The following ASAP3 variants were observed in gnomAD, a reference collection of about 807,000 sequenced individuals.
ASAP3 encodes arf-GAP with SH3 domain, ANK repeat and PH domain-containing protein 3.
Under a neutral mutation model 118.2 loss-of-function variants are expected in ASAP3, and 85 were observed. The observed-to-expected ratio is 0.72, with a 90% CI of 0.60 to 0.86. ASAP3 has a LOEUF of 0.86. Among genes scored for constraint, ASAP3 ranks in the 40% least tolerant of loss-of-function variants. ASAP3 has a pLI of 0.00. For synonymous variants in ASAP3, 432 were observed against 477.4 expected, an observed-to-expected ratio of 0.90 and a Z score of 1.24; for missense variants, 1,026 against 1,175.0, an observed-to-expected ratio of 0.87 and a Z score of 1.85.
Position 23,438,647 on chromosome 1 carries a change from C to A in ASAP3, c.1102+100G>T. On this transcript the variant is annotated intron_variant, in intron 12 of 24. Transcript: ENST00000336689. This position sits in a 1 kb window ranked among gnomAD's most constrained non-coding sequence, Gnocchi z 4.9. The stretch of plus-strand genomic sequence containing the variant: ...CAGCAATTCGACACCATGTGTGGAA[C>A]TGGACACAGACCCCTCACTGAAGCC... 9.9e-7 allele frequency: 1 copy of A among 1,014,572 alleles called. No individual in the cohort carries two copies. The highest frequency in any genetic ancestry group is 1.5e-6 in the Non-Finnish European group (1 of 661,526). The allele number at this position is 1,014,572 out of a possible 1,614,324, so 62.8% of individuals were successfully genotyped here.
intron 19 of ASAP3, among the ~76,000 whole-genome samples, chr1:23,433,992 T>C (rs1436579696): frequency 6.6e-6 from 1 of 152,272 alleles, no homozygotes; most frequent in African/African-American, 2.4e-5. Flanking sequence ...TTACAATCAT[T>C]ATCATTCAGA....
At position 23,436,683 on chromosome 1, in the gene ASAP3, C is replaced by T. The variant is rs369277596; in HGVS notation, c.1477-29G>A. 8.0e-5 allele frequency: 129 copies of T among 1,612,892 alleles called. No individual in the cohort carries two copies. The highest frequency in any genetic ancestry group is 2.3e-4 in the Admixed American group (14 of 59,996). ...GAGTCGTAGGAAAATAGACGTGGGG[C>T]GGAGTAAGACCGGGCGGTTAAGCCT... On this transcript the variant is annotated intron_variant, in intron 15 of 24. Coordinates refer to ENST00000336689, the MANE Select transcript of ASAP3 (RefSeq NM_017707.4). The surrounding 1 kb of genome is among the most constrained non-coding windows in gnomAD (Gnocchi z 4.2).
At chr1:23,466,099 A>G (rs564865966) in intron 1 of ASAP3, among the ~76,000 whole-genome samples, 14 of 152,220 alleles carry the variant, frequency 9.2e-5, no homozygotes, top group Admixed American at 6.5e-4. Flanking sequence ...AAGAAAACGG[A>G]TTTGTTCAGG....
At chr1:23,433,817 A>G in intron 19 of ASAP3, 124 bp from the exon 20 acceptor site, 1 of 1,281,880 alleles carries the variant, frequency 7.8e-7, no homozygotes, top group Non-Finnish European at 1.1e-6. Flanking sequence ...TTTTCTGGCT[A>G]TGTGACCATA....
At chr1:23,460,921 G>C (rs999285455) in intron 1 of ASAP3, among the ~76,000 whole-genome samples, 1 of 152,172 alleles carries the variant, frequency 6.6e-6, no homozygotes, top group Non-Finnish European at 1.5e-5. Context: ...AAGATGCAGA[G>C]GAAAGTTACA....
chr1:23,476,764 G>T (rs1485981270), intron 1 of ASAP3, among the ~76,000 whole-genome samples: 1 of 152,122 alleles, frequency 6.6e-6, no homozygotes, highest in African/African-American at 2.4e-5. Context: ...CCCCTTTCAG[G>T]GTCACATATA....
At chr1:23,463,295 A>G (rs1246818230) in intron 1 of ASAP3, among the ~76,000 whole-genome samples, 1 of 152,150 alleles carries the variant, frequency 6.6e-6, no homozygotes, top group Non-Finnish European at 1.5e-5. Context: ...TCTGAAAATC[A>G]TTTACACTGG....
intron 1 of ASAP3, among the ~76,000 whole-genome samples, chr1:23,460,506 CAAAAAAAAAAA>C (rs71023213): frequency 1.2e-5 from 1 of 84,798 alleles, no homozygotes; most frequent in Non-Finnish European, 2.2e-5. Flanking sequence ...GACTCCATCT[CAAAAAAAAAAA>C]AAAAAAAAAC....
Position 23,431,732 on chromosome 1 carries a change from G to C in ASAP3, c.2510C>G (p.Thr837Ser). 1 of 1,521,950 alleles carries C rather than the reference G, an allele frequency of 6.6e-7. No homozygotes were observed. The highest frequency in any genetic ancestry group is 8.8e-7 in the Non-Finnish European group (1 of 1,140,258). The allele number at this position is 1,521,950 out of a possible 1,614,324, so 94.3% of individuals were successfully genotyped here. A position where few individuals can be genotyped will look rare whatever the true frequency, so the allele number is the denominator to read the frequency against. Reference sequence around the variant, plus strand: ...GGGGAGGTACATCTCCGAAGGGGTGGTCCCGGATGTCAGGCTGGGTCTGGA... The same window carrying C: ...GGGGAGGTACATCTCCGAAGGGGTGCTCCCGGATGTCAGGCTGGGTCTGGA... ...GTSRPSLTSG[T>S]TPSEMYLPVR... The change falls in exon 23 of 25, where the codon ACC (threonine) becomes AGC (serine). Residue 837 changes from threonine to serine, a missense_variant. Transcript: ENST00000336689.
At chr1:23,483,749 TTGGGG>T (rs1642389062) in intron 1 of ASAP3, among the ~76,000 whole-genome samples, 1 of 152,328 alleles carries the variant, frequency 6.6e-6, no homozygotes, top group East Asian at 1.9e-4. Context: ...CGCGGGGCAC[TTGGGG>T]TACGTCCCCC....
chr1:23,482,846 G>A (rs952313645), intron 1 of ASAP3, among the ~76,000 whole-genome samples: 2 of 152,036 alleles, frequency 1.3e-5, no homozygotes, highest in African/African-American at 2.4e-5. Flanking sequence ...CAGCTACTCG[G>A]GAGGCTGAGG....
chr1:23,478,939 C>T, intron 1 of ASAP3, among the ~76,000 whole-genome samples: 1 of 152,148 alleles, frequency 6.6e-6, no homozygotes, highest in Non-Finnish European at 1.5e-5. Flanking sequence ...GCCATAGATA[C>T]TTCTGAGGGG....
In ASAP3 at chr1:23,455,557, C is replaced by A. The variant is rs1444032430; in HGVS notation, c.348+324G>T. ...AGCAGTAGTGGTATAAAGGTAGGAACCCCCGAGCCTGTCTCTCCTTTATCC... is the reference window on the plus strand; with the variant it reads ...AGCAGTAGTGGTATAAAGGTAGGAAACCCCGAGCCTGTCTCTCCTTTATCC... On this transcript the variant is annotated intron_variant, in intron 3 of 24. Transcript: ENST00000336689. 2.0e-5 allele frequency among the ~76,000 whole-genome samples: 3 copies of A among 152,156 alleles called. No homozygotes were observed. In the East Asian group the frequency reaches 5.8e-4, roughly 29 times the overall value.
intron 5 of ASAP3, among the ~76,000 whole-genome samples, chr1:23,450,774 CA>C (rs1329786378): frequency 6.6e-6 from 1 of 152,000 alleles, no homozygotes; most frequent in Non-Finnish European, 1.5e-5. Context: ...CAAAATTTTA[CA>C]AAAAAGCACA....
intron 1 of ASAP3, among the ~76,000 whole-genome samples, chr1:23,474,367 G>A (rs72661493): frequency 0.016 from 2,485 of 152,092 alleles, 45 homozygotes; most frequent in Non-Finnish European, 0.024. Flanking sequence ...TAACAGAGCC[G>A]AGCACCCCTT....
chr1:23,431,290 A>C (rs1314982789), intron 23 of ASAP3, among the ~76,000 whole-genome samples, 165 bp from the exon 24 acceptor site: 3 of 152,140 alleles, frequency 2.0e-5, no homozygotes, highest in East Asian at 3.9e-4. Context: ...GCTGGAACTG[A>C]CCTCCAGAAG....
At chr1:23,431,960 C>A in intron 22 of ASAP3, 42 bp from the exon 23 acceptor site, 1 of 1,541,966 alleles carries the variant, frequency 6.5e-7, no homozygotes, top group South Asian at 1.1e-5. Context: ...TTTTCTTTAT[C>A]ACTTGCTCTG....
intron 10 of ASAP3, among the ~76,000 whole-genome samples, chr1:23,439,918 A>G (rs1640802929): frequency 6.6e-6 from 1 of 152,008 alleles, no homozygotes; most frequent in Non-Finnish European, 1.5e-5. Context: ...AGGTTCAAGC[A>G]ATTCTCATGC....
chr1:23,460,743 C>T (rs777581859), intron 1 of ASAP3, among the ~76,000 whole-genome samples: 4 of 152,080 alleles, frequency 2.6e-5, no homozygotes, highest in Non-Finnish European at 2.9e-5. Context: ...GAGTTGAAAA[C>T]GTATACATAC....
Sources: gnomAD v4.1 joint callset for allele counts (sites outside exome capture counted in the v4.1 genomes callset) on GRCh38, gnomAD v4.1.1 for gene constraint, Gnocchi (gnomAD v3.1) non-coding constraint, MANE v1.5 for transcripts, NCBI Gene and HGNC (gene_info 2026-07-23, HGNC 2026-07-21) for gene names.